EYS: variants seen among roughly 807,000 people sequenced by gnomAD.
EYS encodes protein eyes shut homolog.
EYS carries 250 observed loss-of-function variants against 282.1 expected under a neutral mutation model. The observed-to-expected ratio is 0.89, with a 90% CI of 0.80 to 0.98. EYS has a LOEUF of 0.98. Among genes scored for constraint, EYS ranks in the 50% least tolerant of loss-of-function variants. The pLI, the probability that EYS is intolerant of heterozygous loss-of-function variation, is 0.00. For synonymous variants in EYS, 1,355 were observed against 1,282.9 expected (o/e 1.06, Z -1.20); for missense variants, 4,016 against 3,709.0 (o/e 1.08, Z -2.15).
At chr6:65,051,815 C>T (rs1367082029) in intron 13 of EYS, among the ~76,000 whole-genome samples, 1 of 151,418 alleles carries the variant, frequency 6.6e-6, no homozygotes, top group Non-Finnish European at 1.5e-5. Context: ...TTGAATCATA[C>T]CTTTCTGTAG....
intron 24 of EYS, among the ~76,000 whole-genome samples, chr6:64,615,633 T>C (rs1047840221): frequency 7.2e-5 from 11 of 152,134 alleles, no homozygotes; most frequent in African/African-American, 2.4e-4. Flanking sequence ...TCTTTTTCAA[T>C]AAACTGAATT....
intron 35 of EYS, among the ~76,000 whole-genome samples, chr6:63,930,402 A>G (rs944605034): frequency 5.3e-5 from 8 of 151,936 alleles, no homozygotes; most frequent in African/African-American, 1.9e-4. Flanking sequence ...TTGAAAACCA[A>G]TAAGTGTTTA....
At chr6:64,107,290 TA>T (rs1199944029) in intron 31 of EYS, among the ~76,000 whole-genome samples, 8 of 105,294 alleles carry the variant, frequency 7.6e-5, no homozygotes, top group Admixed American at 9.0e-5. Context: ...TATATTTATA[TA>T]TATATATATA....
chr6:63,982,308 G>A (rs1448995175), intron 35 of EYS, among the ~76,000 whole-genome samples: 6 of 151,768 alleles, frequency 4.0e-5, no homozygotes, highest in African/African-American at 1.5e-4. Context: ...GTTTGGGCAT[G>A]GATTCACTGG....
At chr6:65,539,977 C>T (rs1198166923) in intron 2 of EYS, among the ~76,000 whole-genome samples, 1 of 152,188 alleles carries the variant, frequency 6.6e-6, no homozygotes, top group East Asian at 1.9e-4. Flanking sequence ...TCTGTGAAGC[C>T]TTGTTTTAAC....
At chr6:65,489,180 G>A (rs1765928413) in intron 5 of EYS, among the ~76,000 whole-genome samples, 1 of 152,160 alleles carries the variant, frequency 6.6e-6, no homozygotes, top group African/African-American at 2.4e-5. Flanking sequence ...TGTCATCAGA[G>A]TGAACAGGCA....
At chr6:64,647,932 C>T (rs1768415085) in intron 22 of EYS, among the ~76,000 whole-genome samples, 1 of 152,004 alleles carries the variant, frequency 6.6e-6, no homozygotes, top group African/African-American at 2.4e-5. Context: ...AACATGCTTC[C>T]GTAAGAAAAA....
chr6:64,663,765 C>T (rs1434707273), intron 22 of EYS, among the ~76,000 whole-genome samples: 1 of 152,078 alleles, frequency 6.6e-6, no homozygotes, highest in African/African-American at 2.4e-5. Flanking sequence ...TCCCAGAGCC[C>T]CCAAGATGGC....
chr6:65,209,084 A>T (rs536926088), intron 12 of EYS, among the ~76,000 whole-genome samples: 1 of 152,042 alleles, frequency 6.6e-6, no homozygotes, highest in South Asian at 2.1e-4. Flanking sequence ...GAATGGCATC[A>T]GGGCTTCTGA....
chr6:64,660,554 G>T lies in EYS; in HGVS notation c.3444-34309C>A, dbSNP rs1323093209. Among the ~76,000 whole-genome samples the T allele has an allele frequency of 4.6e-5, 7 of 152,106 alleles. No individual in the cohort carries two copies. The East Asian group carries it at 7.7e-4, about 17-fold the overall frequency. On this transcript the variant is annotated intron_variant, in intron 22 of 42. Transcript: ENST00000503581. ...TTCAGCAAAGTCTCAGGATACAAAA[G>T]CCATGTGCAAAAATCACTAGCATTC...
chr6:63,992,295 T>C (rs1767639907), intron 34 of EYS, among the ~76,000 whole-genome samples: 1 of 151,868 alleles, frequency 6.6e-6, no homozygotes, highest in Admixed American at 6.6e-5. Context: ...TTTTATGGTT[T>C]TTATTCTGAA....
At chr6:64,773,683 T>C (rs1191900390) in intron 22 of EYS, among the ~76,000 whole-genome samples, 1 of 151,984 alleles carries the variant, frequency 6.6e-6, no homozygotes, top group African/African-American at 2.4e-5. Context: ...TGTTGTGAGA[T>C]GGTATCTCAT....
At chr6:64,128,516 T>G (rs187535645) in intron 31 of EYS, among the ~76,000 whole-genome samples, 18 of 152,270 alleles carry the variant, frequency 1.2e-4, no homozygotes, top group Admixed American at 9.8e-4. Flanking sequence ...GCCATGTTTA[T>G]CTCTAATCCC....
At chr6:65,369,155 C>G (rs1230885414) in intron 8 of EYS, among the ~76,000 whole-genome samples, 2 of 149,726 alleles carry the variant, frequency 1.3e-5, no homozygotes, top group Non-Finnish European at 3.0e-5. Flanking sequence ...AAAAATCAAG[C>G]AAATTTAATG....
intron 26 of EYS, among the ~76,000 whole-genome samples, chr6:64,488,263 A>G (rs1776634584): frequency 6.6e-6 from 1 of 151,028 alleles, no homozygotes; most frequent in African/African-American, 2.4e-5. Flanking sequence ...TAGGAAGTCA[A>G]GCAAATATAA....
intron 26 of EYS, among the ~76,000 whole-genome samples, chr6:64,485,330 C>T (rs987198969): frequency 1.3e-5 from 2 of 151,546 alleles, no homozygotes; most frequent in East Asian, 3.9e-4. Flanking sequence ...GAGGCCAAAA[C>T]TTGAAAAACA....
chr6:64,556,133 T>C (rs901656188), intron 26 of EYS, among the ~76,000 whole-genome samples: 5 of 152,020 alleles, frequency 3.3e-5, no homozygotes, highest in Non-Finnish European at 7.4e-5. Flanking sequence ...TTTACTTTTG[T>C]ATTTACTCAT....
intron 34 of EYS, among the ~76,000 whole-genome samples, chr6:63,991,706 A>C (rs1459257001): frequency 2.6e-5 from 4 of 151,674 alleles, no homozygotes; most frequent in Non-Finnish European, 5.9e-5. Flanking sequence ...TAATGAATGA[A>C]AACTCCATAA....
intron 32 of EYS, among the ~76,000 whole-genome samples, chr6:64,075,613 T>C (rs1771741468): frequency 6.6e-6 from 1 of 151,904 alleles, no homozygotes; most frequent in Non-Finnish European, 1.5e-5. Context: ...AGTCTATTTG[T>C]TGCTAGGATG....
Sources: allele counts gnomAD v4.1 joint callset (sites outside exome capture counted in the v4.1 genomes callset), GRCh38; gene constraint gnomAD v4.1.1; transcripts MANE v1.5; gene names NCBI Gene and HGNC (gene_info 2026-07-23, HGNC 2026-07-21).